The following STAMBPL1 variants were observed in gnomAD, a reference collection of about 807,000 sequenced individuals.
The protein encoded by STAMBPL1 is STAM binding protein like 1.
Under a neutral mutation model 52.9 loss-of-function variants are expected in STAMBPL1, and 44 were observed. That is an observed-to-expected ratio of 0.83 (90% CI 0.65 to 1.07). STAMBPL1 has a LOEUF of 1.07. Ranked by LOEUF, STAMBPL1 falls within the 50% of genes least tolerant of loss-of-function variation. The pLI is 0.00. For synonymous variants in STAMBPL1, 164 were observed against 177.3 expected, an observed-to-expected ratio of 0.92 and a Z score of 0.60; for missense variants, 511 against 520.8, an observed-to-expected ratio of 0.98 and a Z score of 0.18.
intron 1 of STAMBPL1, among the ~76,000 whole-genome samples, chr10:88,885,372 TGTAA>T (rs1844506108): frequency 6.6e-6 from 1 of 152,234 alleles, no homozygotes; most frequent in Admixed American, 6.5e-5. Context: ...TTTCGTATTT[TGTAA>T]GTAATGTTTT....
chr10:88,899,926 G>A (rs926432930), intron 1 of STAMBPL1, among the ~76,000 whole-genome samples: 1 of 152,080 alleles, frequency 6.6e-6, no homozygotes, highest in Non-Finnish European at 1.5e-5. Flanking sequence ...CGCTTTTAAC[G>A]TCTTTTTTTC....
intron 1 of STAMBPL1, among the ~76,000 whole-genome samples, chr10:88,891,072 C>T (rs183323963): frequency 9.7e-4 from 148 of 152,264 alleles, no homozygotes; most frequent in African/African-American, 3.0e-3. Context: ...ATAATTGAGG[C>T]AGAAGGAAAA....
At position 88,910,938 on chromosome 10, in the gene STAMBPL1, C is replaced by T; in HGVS notation, c.347C>T (p.Pro116Leu). 3 of 1,593,956 alleles carry T rather than the reference C, an allele frequency of 1.9e-6. No individual in the cohort carries two copies. Among genetic ancestry groups the T allele is most frequent in the Non-Finnish European group, 1.7e-6 (2 of 1,173,636 alleles). Residue 116 changes from proline to leucine, a missense_variant, in exon 5 of 11, where the codon CCA becomes CTA. Physicochemically the swap from Pro to Leu is moderately conservative, Grantham distance 98. Coordinates refer to ENST00000371926, the MANE Select transcript of STAMBPL1 (RefSeq NM_020799.4). ...IMKKLKEIAF[P>L]RTDELKNDLL... ...AAGAAACTGAAGGAGATTGCATTCC[C>T]AAGGACAGATGAATTGAAAAACGAC...
intron 1 of STAMBPL1, among the ~76,000 whole-genome samples, chr10:88,884,097 T>G (rs944660528): frequency 4.6e-5 from 7 of 152,222 alleles, no homozygotes; most frequent in African/African-American, 1.4e-4. Context: ...CAAGCTTGTT[T>G]CATTCTGAAT....
intron 5 of STAMBPL1, among the ~76,000 whole-genome samples, chr10:88,911,308 C>T (rs1233266974): frequency 2.0e-5 from 3 of 152,178 alleles, no homozygotes; most frequent in Non-Finnish European, 4.4e-5. Context: ...AACCTTGAGC[C>T]AGATGGCTGC....
At chr10:88,916,637 T>C (rs1564633744) in intron 7 of STAMBPL1, 43 bp from the exon 8 acceptor site, 1 of 1,555,324 alleles carries the variant, frequency 6.4e-7, no homozygotes, top group Admixed American at 2.0e-5. Flanking sequence ...ATTTTTTTTT[T>C]TTCTGTGAGA....
intron 1 of STAMBPL1, among the ~76,000 whole-genome samples, chr10:88,883,522 C>T (rs1844457592): frequency 6.6e-6 from 1 of 152,228 alleles, no homozygotes; most frequent in South Asian, 2.1e-4. Context: ...GATGTAGCTA[C>T]ATCTGGATGT....
intron 5 of STAMBPL1, among the ~76,000 whole-genome samples, chr10:88,911,600 C>T (rs1305733541): frequency 6.6e-6 from 1 of 152,184 alleles, no homozygotes; most frequent in Non-Finnish European, 1.5e-5. Flanking sequence ...GTATGGGATA[C>T]TCACGTTCAA....
At chr10:88,883,816 G>C (rs1844465114) in intron 1 of STAMBPL1, among the ~76,000 whole-genome samples, 1 of 152,150 alleles carries the variant, frequency 6.6e-6, no homozygotes, top group African/African-American at 2.4e-5. Context: ...CTTATGTCTT[G>C]ATTTGCTGTA....
At chr10:88,904,272 A>C (rs1564627188) in intron 2 of STAMBPL1, among the ~76,000 whole-genome samples, 1 of 152,186 alleles carries the variant, frequency 6.6e-6, no homozygotes, top group Non-Finnish European at 1.5e-5. Flanking sequence ...AGGCATAAGT[A>C]CCTCTGGAAA....
rs376816365 is a variant in STAMBPL1, at chr10:88,922,358, C to T, written c.1176C>T (p.Thr392=). 1.4e-4 allele frequency: 226 copies of T among 1,613,068 alleles called. No individual in the cohort carries two copies. Among genetic ancestry groups the T allele is most frequent in the Non-Finnish European group, 1.8e-4 (208 of 1,179,546 alleles). ...TTAGCACTGGCATCTTCAGGCTCAC[C>T]AATGCTGGCATGCTTGAGGTTTCTG... is the stretch of plus-strand genomic sequence containing the variant. ...KHKDTGIFRL[T]NAGMLEVSAC... is the part of the protein sequence containing the mutation. Residue 392 remains threonine (T), a synonymous_variant, in exon 10 of 11, where the codon ACC becomes ACT. Coordinates refer to ENST00000371926, the MANE Select transcript of STAMBPL1 (RefSeq NM_020799.4).
At chr10:88,895,861 G>T (rs562703320) in intron 1 of STAMBPL1, among the ~76,000 whole-genome samples, 6 of 152,238 alleles carry the variant, frequency 3.9e-5, no homozygotes, top group South Asian at 4.2e-4. Flanking sequence ...TTATTTTATG[G>T]CCCAGTATGT....
At chr10:88,898,454 T>C (rs1165099671) in intron 1 of STAMBPL1, among the ~76,000 whole-genome samples, 1 of 152,176 alleles carries the variant, frequency 6.6e-6, no homozygotes, top group Non-Finnish European at 1.5e-5. Flanking sequence ...TTGCAATTGT[T>C]TATAATGCAA....
At chr10:88,888,574 T>C (rs1844597925) in intron 1 of STAMBPL1, among the ~76,000 whole-genome samples, 1 of 152,220 alleles carries the variant, frequency 6.6e-6, no homozygotes, top group Non-Finnish European at 1.5e-5. Context: ...TTTCCTACTA[T>C]TGATGTTATG....
intron 1 of STAMBPL1, chr10:88,901,120 T>C (rs546913507): frequency 6.6e-6 from 1 of 152,232 alleles, no homozygotes; most frequent in African/African-American, 2.4e-5. Context: ...GGGAATAATA[T>C]TCCATGACCT....
At chr10:88,896,701 C>A (rs531406206) in intron 1 of STAMBPL1, among the ~76,000 whole-genome samples, 1 of 152,276 alleles carries the variant, frequency 6.6e-6, no homozygotes, top group Admixed American at 6.5e-5. Flanking sequence ...GGGTGATGGT[C>A]TCGCTGGCTG....
At chr10:88,919,713 A>G (rs188330175) in intron 8 of STAMBPL1, among the ~76,000 whole-genome samples, 1 of 152,228 alleles carries the variant, frequency 6.6e-6, no homozygotes, top group East Asian at 1.9e-4. Context: ...GATAATTTCC[A>G]TTCCTTTGTT....
intron 1 of STAMBPL1, among the ~76,000 whole-genome samples, chr10:88,889,654 C>CA (rs1201324794): frequency 2.6e-5 from 4 of 152,140 alleles, no homozygotes; most frequent in Non-Finnish European, 4.4e-5. Context: ...TTTAGACTTT[C>CA]AAAAGATTGT....
intron 1 of STAMBPL1, among the ~76,000 whole-genome samples, chr10:88,884,798 A>G (rs988310051): frequency 2.0e-5 from 3 of 152,218 alleles, no homozygotes; most frequent in African/African-American, 7.2e-5. Context: ...ACACAAGTTT[A>G]TCTCAATGAT....
Sources: allele counts gnomAD v4.1 joint callset (sites outside exome capture counted in the v4.1 genomes callset), GRCh38; gene constraint gnomAD v4.1.1; transcripts MANE v1.5; gene names NCBI Gene and HGNC (gene_info 2026-07-23, HGNC 2026-07-21).